The following EXOSC4 variants were observed in gnomAD, a reference collection of about 807,000 sequenced individuals.
The protein encoded by EXOSC4 is exosome component 4.
In EXOSC4, 14 loss-of-function variants were observed where a neutral mutation model predicts 20.0. The observed-to-expected ratio is 0.70, with a 90% CI of 0.46 to 1.09. The LOEUF is 1.09. Ranked by LOEUF, EXOSC4 falls within the 50% of genes least tolerant of loss-of-function variation. The probability of loss-of-function intolerance (pLI) is 0.00; values close to 1 mark genes in which losing one functional copy is unlikely to be tolerated. For missense variants in EXOSC4, 337 were observed against 334.0 expected (o/e 1.01, Z -0.07); for synonymous variants, 148 against 146.4 (o/e 1.01, Z -0.08).
the EXOSC4 span, among the ~76,000 whole-genome samples, chr8:144,069,241 G>A: frequency 6.6e-6 from 1 of 152,236 alleles, no homozygotes; most frequent in Admixed American, 6.5e-5. Context: ...GTGGTTGGGT[G>A]TGCTGGCTGT....
the EXOSC4 span, among the ~76,000 whole-genome samples, chr8:144,072,420 A>T: frequency 6.6e-6 from 1 of 152,064 alleles, no homozygotes; most frequent in Admixed American, 6.6e-5. Context: ...ACCTCAAATG[A>T]TCTGCCCGTC....
the EXOSC4 span, among the ~76,000 whole-genome samples, chr8:144,066,667 C>T: frequency 6.6e-6 from 1 of 151,776 alleles, no homozygotes; most frequent in South Asian, 2.1e-4. Context: ...TGTTTTCAAA[C>T]TCCTGACCTC....
the EXOSC4 span, among the ~76,000 whole-genome samples, chr8:144,065,778 AGAGT>A: frequency 1.3e-5 from 2 of 149,598 alleles, no homozygotes; most frequent in South Asian, 4.2e-4. Context: ...AAAATGGAGT[AGAGT>A]ATTTTTATTT....
chr8:144,068,686 A>C, the EXOSC4 span, among the ~76,000 whole-genome samples: 1 of 152,204 alleles, frequency 6.6e-6, no homozygotes, highest in African/African-American at 2.4e-5. Flanking sequence ...AACAGGGGGA[A>C]TCTGTGGTGC....
chr8:144,078,974 G>A lies in EXOSC4; in HGVS notation c.171+75G>A. On this transcript the variant is annotated intron_variant, in intron 1 of 2. Coordinates refer to ENST00000316052, the MANE Select transcript of EXOSC4 (RefSeq NM_019037.3). The surrounding 1 kb of genome is among the most constrained non-coding windows in gnomAD (Gnocchi z 4.7). ...GCAGCCGGGCTGAGCGCTGGCTCGG[G>A]GACTTGAGGGGCAACGGCCGGCGCG... 2 of 1,360,680 alleles carry A rather than the reference G, an allele frequency of 1.5e-6. No individual in the cohort carries two copies. Among genetic ancestry groups the A allele is most frequent in the Non-Finnish European group, 9.5e-7 (1 of 1,055,066 alleles). The allele number at this position is 1,360,680 out of a possible 1,614,324, so 84.3% of individuals were successfully genotyped here.
the EXOSC4 span, among the ~76,000 whole-genome samples, chr8:144,070,997 C>A: frequency 6.6e-6 from 1 of 151,616 alleles, no homozygotes; most frequent in Non-Finnish European, 1.5e-5. Context: ...GAGGGAGGAG[C>A]GGAGCAGAGA....
chr8:144,075,448 G>C (rs558249335), upstream of EXOSC4, among the ~76,000 whole-genome samples: 1 of 152,110 alleles, frequency 6.6e-6, no homozygotes, highest in Non-Finnish European at 1.5e-5. Flanking sequence ...GGATGGTCTC[G>C]ATCTCCTGAC....
intron 1 of EXOSC4, chr8:144,079,114 CT>C: frequency 4.2e-6 from 2 of 477,100 alleles, no homozygotes; most frequent in Non-Finnish European, 6.9e-6. Flanking sequence ...CTGCGCCCTC[CT>C]TCCTCTTTGC....
At chr8:144,068,356 G>A in the EXOSC4 span, among the ~76,000 whole-genome samples, 1 of 152,160 alleles carries the variant, frequency 6.6e-6, no homozygotes, top group African/African-American at 2.4e-5. Context: ...AACCCTTTAT[G>A]AGAAATAAAG....
chr8:144,079,946 C>G lies in EXOSC4; in HGVS notation c.175C>G (p.Arg59Gly). ...TCATGTGTCTGTCCTCTTCCAGATCCGGGGCTCCCGGGCTCGAGCCCTGCC... is the reference window on the plus strand; with the variant it reads ...TCATGTGTCTGTCCTCTTCCAGATCGGGGGCTCCCGGGCTCGAGCCCTGCC... ...LAVVYGPHEI[R>G]GSRARALPDR... Residue 59 changes from arginine (R) to glycine (G), a missense_variant, in exon 2 of 3, where the codon CGG (arginine) becomes GGG (glycine). Transcript: ENST00000316052. 6.2e-7 allele frequency: 1 copy of G among 1,613,846 alleles called. No homozygotes were observed. The highest frequency in any genetic ancestry group is 2.2e-5 in the East Asian group (1 of 44,884).
chr8:144,080,117 C>T lies in EXOSC4; in HGVS notation c.346C>T (p.His116Tyr), dbSNP rs1386390326. 2 of 1,613,530 alleles carry T rather than the reference C, an allele frequency of 1.2e-6. No homozygotes were observed. The highest frequency in any genetic ancestry group is 1.7e-6 in the Non-Finnish European group (2 of 1,179,640). ...TFEAAILTQL[H>Y]PRSQIDIYVQ... ...CGAAGCAGCCATCCTCACACAGCTG[C>T]ACCCACGCTCCCAGATTGATATCTA... Residue 116 changes from histidine (H) to tyrosine (Y), a missense_variant, in exon 2 of 3, where the codon CAC becomes TAC. By Grantham distance (83) the His-to-Tyr change is moderately conservative. Coordinates refer to ENST00000316052, the MANE Select transcript of EXOSC4 (RefSeq NM_019037.3). The surrounding 1 kb of genome is among the most constrained non-coding windows in gnomAD (Gnocchi z 4.9).
chr8:144,080,532 T>C lies in EXOSC4; in HGVS notation c.669T>C (p.Asp223=). ...AGGCTGCTGCCCAGGCTGCCCGAGA[T>C]GTGCACACCCTCTTAGATCGAGTGG... ...VLEAAAQAAR[D]VHTLLDRVVR... Residue 223 remains aspartate (D), a synonymous_variant, in exon 3 of 3, where the codon GAT becomes GAC. Coordinates refer to ENST00000316052, the MANE Select transcript of EXOSC4 (RefSeq NM_019037.3). The surrounding 1 kb of genome is among the most constrained non-coding windows in gnomAD (Gnocchi z 4.9). The C allele has an allele frequency of 6.2e-7, 1 of 1,602,914 alleles. No homozygotes were observed.
At chr8:144,065,177 A>G in the EXOSC4 span, among the ~76,000 whole-genome samples, 4 of 152,120 alleles carry the variant, frequency 2.6e-5, no homozygotes, top group East Asian at 7.7e-4. Flanking sequence ...ACTTCTGCAC[A>G]GTTACTTTGG....
At chr8:144,066,608 AT>A in the EXOSC4 span, among the ~76,000 whole-genome samples, 1 of 150,022 alleles carries the variant, frequency 6.7e-6, no homozygotes, top group Non-Finnish European at 1.5e-5. Context: ...TGCCTGGCTA[AT>A]TTTTTTGTAT....
chr8:144,074,962 C>A (rs1200196937), upstream of EXOSC4, among the ~76,000 whole-genome samples: 1 of 152,154 alleles, frequency 6.6e-6, no homozygotes, highest in Non-Finnish European at 1.5e-5. Flanking sequence ...GTACATATTA[C>A]CCAAAGGAGC....
rs1021824104 is a variant in EXOSC4, at chr8:144,080,527, C to G, written c.664C>G (p.Arg222Gly). Residue 222 changes from arginine (R) to glycine (G), a missense_variant, in exon 3 of 3, where the codon CGA (arginine) becomes GGA (glycine). By Grantham distance (125) the Arg-to-Gly change is moderately radical. Coordinates refer to ENST00000316052, the MANE Select transcript of EXOSC4 (RefSeq NM_019037.3). The surrounding 1 kb of genome is among the most constrained non-coding windows in gnomAD (Gnocchi z 4.9). ...GTTGGAGGCTGCTGCCCAGGCTGCC[C>G]GAGATGTGCACACCCTCTTAGATCG... The part of the protein sequence containing the change: ...RVLEAAAQAA[R>G]DVHTLLDRVV... 1 of 1,603,248 alleles carries G rather than the reference C, an allele frequency of 6.2e-7. No individual in the cohort carries two copies. The highest frequency in any genetic ancestry group is 8.5e-7 in the Non-Finnish European group (1 of 1,179,950).
upstream of EXOSC4, chr8:144,078,591 G>C: frequency 1.0e-6 from 1 of 962,248 alleles, no homozygotes; most frequent in Non-Finnish European, 1.4e-6. The surrounding 1 kb of genome is among the most constrained non-coding windows in gnomAD (Gnocchi z 4.7). Flanking sequence ...GGGCCGCGGA[G>C]AGCTGTAGTT....
At chr8:144,069,401 A>G in the EXOSC4 span, among the ~76,000 whole-genome samples, 1 of 152,380 alleles carries the variant, frequency 6.6e-6, no homozygotes, top group Non-Finnish European at 1.5e-5. Flanking sequence ...TGGAGGTTCC[A>G]GAGGAAAGCA....
upstream of EXOSC4, among the ~76,000 whole-genome samples, chr8:144,073,850 CAA>C (rs145859393): frequency 7.5e-6 from 1 of 133,810 alleles, no homozygotes. Context: ...GACTCTGTCT[CAA>C]AAAAAAAAAA....
Sources: gnomAD v4.1 joint callset for allele counts (sites outside exome capture counted in the v4.1 genomes callset) on GRCh38, gnomAD v4.1.1 for gene constraint, Gnocchi (gnomAD v3.1) non-coding constraint, MANE v1.5 for transcripts, NCBI Gene and HGNC (gene_info 2026-07-23, HGNC 2026-07-21) for gene names.